The following GPR137C variants were observed in gnomAD, a reference collection of about 807,000 sequenced individuals.
The protein encoded by GPR137C is G protein-coupled receptor 137C.
A neutral mutation model predicts 43.4 loss-of-function variants in GPR137C; 27 were observed. The ratio of observed to expected loss-of-function variants is 0.62; its 90% confidence interval spans 0.46 to 0.86. The LOEUF (loss-of-function observed/expected upper bound fraction) is 0.86, where lower values mean the gene tolerates loss of function less well. Ranked by LOEUF, GPR137C falls within the 40% of genes least tolerant of loss-of-function variation. The probability of loss-of-function intolerance (pLI) is 0.00; values close to 1 mark genes in which losing one functional copy is unlikely to be tolerated. For missense variants in GPR137C, 522 were observed against 534.6 expected, an observed-to-expected ratio of 0.98 and a Z score of 0.23; for synonymous variants, 285 against 226.9, an observed-to-expected ratio of 1.26 and a Z score of -2.30.
intron 1 of GPR137C, among the ~76,000 whole-genome samples, chr14:52,559,140 G>A (rs554500870): frequency 5.3e-5 from 8 of 152,272 alleles, no homozygotes; most frequent in African/African-American, 1.4e-4. Context: ...CACTTTGGGA[G>A]GCCAAGGCAG....
chr14:52,616,222 A>G (rs983654548), intron 3 of GPR137C, among the ~76,000 whole-genome samples: 1 of 152,230 alleles, frequency 6.6e-6, no homozygotes, highest in African/African-American at 2.4e-5. Context: ...ATCTCTAGTT[A>G]TAAGTCTTCC....
rs1157528987 is a variant in GPR137C, at chr14:52,553,137, C to G, written c.-11C>G. Reference sequence around the variant, plus strand: ...CTTCCCGCGCTCGCTCGCCCGGCCCCCAGCCCCCTCATGAGGGTGTCCGTG... The same window carrying G: ...CTTCCCGCGCTCGCTCGCCCGGCCCGCAGCCCCCTCATGAGGGTGTCCGTG... On this transcript the variant is annotated 5_prime_UTR_variant, in exon 1 of 7. Transcript: ENST00000321662. 4.3e-6 allele frequency: 5 copies of G among 1,166,356 alleles called. No homozygotes were observed. 72.3% of individuals were successfully genotyped at this position (1,166,356 alleles called of 1,614,324 possible).
At chr14:52,575,933 A>G (rs1279282503) in intron 1 of GPR137C, among the ~76,000 whole-genome samples, 3 of 152,190 alleles carry the variant, frequency 2.0e-5, no homozygotes, top group Non-Finnish European at 4.4e-5. Context: ...TTACAGATAG[A>G]GCTTAGTCTC....
chr14:52,601,306 A>G (rs571842905), intron 3 of GPR137C, among the ~76,000 whole-genome samples: 1 of 152,208 alleles, frequency 6.6e-6, no homozygotes, highest in Non-Finnish European at 1.5e-5. Context: ...CTTAGTTAAA[A>G]TAGTCCTCTG....
intron 1 of GPR137C, among the ~76,000 whole-genome samples, chr14:52,580,818 T>G (rs1344047950): frequency 1.4e-5 from 2 of 147,506 alleles, no homozygotes; most frequent in Non-Finnish European, 3.0e-5. Flanking sequence ...TTATTTATAT[T>G]TATATAATAA....
At chr14:52,577,507 C>T (rs2357800) in intron 1 of GPR137C, among the ~76,000 whole-genome samples, 16,838 of 143,560 alleles carry the variant, frequency 0.12, 1,268 homozygotes, top group East Asian at 0.38. Context: ...TGCACGCGTG[C>T]GCGCGCGCGC....
At chr14:52,600,430 A>G (rs2038910607) in intron 3 of GPR137C, 89 bp downstream of exon 3, 4 of 468,398 alleles carry the variant, frequency 8.5e-6, no homozygotes, top group Non-Finnish European at 1.4e-5. Context: ...TTATATTGCT[A>G]TTTTATTTTA....
intron 3 of GPR137C, chr14:52,611,866 T>G (rs1014934651): frequency 1.2e-6 from 1 of 810,368 alleles, no homozygotes; most frequent in African/African-American, 1.9e-5. Context: ...GTATGGAAAG[T>G]CATAGTATAT....
In GPR137C at chr14:52,598,314, A is replaced by G; in HGVS notation, c.487A>G (p.Lys163Glu). 2.2e-6 allele frequency: 3 copies of G among 1,353,910 alleles called. No homozygotes were observed. Among genetic ancestry groups the G allele is most frequent in the African/African-American group, 1.5e-5 (1 of 68,508 alleles). The allele number at this position is 1,353,910 out of a possible 1,614,324, so 83.9% of individuals were successfully genotyped here. A position where few individuals can be genotyped will look rare whatever the true frequency, so the allele number is the denominator to read the frequency against. Residue 163 changes from lysine (K) to glutamate (E), a missense_variant and splice_region_variant, in exon 2 of 7, where the codon AAA (lysine) becomes GAA (glutamate). Around this residue, in one of 3 missense-constraint regions of GPR137C, gnomAD observed 437 missense variants for 425.7 expected, o/e 1.03. Transcript: ENST00000321662. ...ATGTGCCACTGAACTTGACAGACAC[A>G]AGTAAGTTTTATGAGTATCTAAATT... ...VRCATELDRH[K>E]ILLHLGFIMA...
chr14:52,577,448 C>T (rs1288478541), intron 1 of GPR137C, among the ~76,000 whole-genome samples: 3 of 151,456 alleles, frequency 2.0e-5, no homozygotes. Context: ...AAACAAAACC[C>T]AAAGCTAGCA....
rs117566866 is a variant in GPR137C at position 52,611,768 on chromosome 14, A to C, written c.717+11427A>C. The C allele has an allele frequency of 9.1e-3, 3,505 of 386,074 alleles. 15 individuals carry two copies. Among genetic ancestry groups the C allele is most frequent in the Admixed American group, 0.013 (198 of 15,536 alleles). 23.9% of individuals were successfully genotyped at this position (386,074 alleles called of 1,614,324 possible). On this transcript the variant is annotated intron_variant, in intron 3 of 6. Transcript: ENST00000321662. ...CAGAGATCTGCCATTTATCAGCTCTATGACTTTAACCTCTCTGTCCACCTT... is the reference window on the plus strand; with the variant it reads ...CAGAGATCTGCCATTTATCAGCTCTCTGACTTTAACCTCTCTGTCCACCTT...
At chr14:52,611,821 T>C (rs2039041941) in intron 3 of GPR137C, 1 of 544,806 alleles carries the variant, frequency 1.8e-6, no homozygotes, top group Non-Finnish European at 2.3e-6. Flanking sequence ...ATAGTAATCA[T>C]GTCCATAGTG....
chr14:52,588,741 A>G (rs1336860329), intron 1 of GPR137C, among the ~76,000 whole-genome samples: 1 of 152,178 alleles, frequency 6.6e-6, no homozygotes, highest in Non-Finnish European at 1.5e-5. Context: ...TATTGGAATG[A>G]TTGGAAAAAT....
rs370209741 is a variant in GPR137C, at chr14:52,600,136, T to C, written c.512T>C (p.Ile171Thr). 1.6e-5 allele frequency: 26 copies of C among 1,613,612 alleles called. No individual in the cohort carries two copies. The highest frequency in any genetic ancestry group is 2.2e-5 in the Non-Finnish European group (26 of 1,179,694). The change falls in exon 3 of 7, where the codon ATA becomes ACA. Residue 171 changes from isoleucine (I) to threonine (T), a missense_variant. Ile to Thr is a moderately conservative substitution (Grantham distance 89). Coordinates refer to ENST00000321662, the MANE Select transcript of GPR137C (RefSeq NM_001099652.2). Reference protein sequence around the residue: ...RHKILLHLGFIMASLLFLVVN... With the variant: ...RHKILLHLGFTMASLLFLVVN... The stretch of plus-strand genomic sequence containing the variant: ...AGAATTCTACTGCATTTGGGCTTTA[T>C]AATGGCAAGCCTGCTCTTTTTAGTG...
intron 3 of GPR137C, among the ~76,000 whole-genome samples, chr14:52,625,154 G>A (rs1213538768): frequency 6.6e-6 from 1 of 152,080 alleles, no homozygotes; most frequent in Non-Finnish European, 1.5e-5. Context: ...AATATTTAAA[G>A]AAGAAACAAC....
intron 3 of GPR137C, among the ~76,000 whole-genome samples, chr14:52,623,199 G>T (rs1490797790): frequency 6.6e-6 from 1 of 151,734 alleles, no homozygotes; most frequent in Non-Finnish European, 1.5e-5. Flanking sequence ...TCATTCATTT[G>T]TAAGACAAAA....
intron 3 of GPR137C, among the ~76,000 whole-genome samples, chr14:52,625,003 TA>T (rs1367600750): frequency 1.5e-4 from 23 of 152,196 alleles, no homozygotes; most frequent in African/African-American, 5.3e-4. Flanking sequence ...AATATACAAC[TA>T]TAAATTGATA....
At chr14:52,574,452 G>A (rs193218518) in intron 1 of GPR137C, among the ~76,000 whole-genome samples, 2 of 152,280 alleles carry the variant, frequency 1.3e-5, no homozygotes, top group East Asian at 3.9e-4. Context: ...ATCATTCTCA[G>A]CAGACTAACA....
intron 1 of GPR137C, among the ~76,000 whole-genome samples, chr14:52,563,518 C>T (rs2038318584): frequency 6.6e-6 from 1 of 152,082 alleles, no homozygotes; most frequent in Non-Finnish European, 1.5e-5. Context: ...CACAGTTCTG[C>T]CTGTAATCCC....
Sources: allele counts gnomAD v4.1 joint callset (sites outside exome capture counted in the v4.1 genomes callset), GRCh38; gene constraint gnomAD v4.1.1; regional missense constraint gnomAD v4.1.1; transcripts MANE v1.5; gene names NCBI Gene and HGNC (gene_info 2026-07-23, HGNC 2026-07-21).